The following CDH22 variants were observed in gnomAD, a reference collection of about 807,000 sequenced individuals.
CDH22 encodes cadherin-22.
A neutral mutation model predicts 58.4 loss-of-function variants in CDH22; 30 were observed. The ratio of observed to expected loss-of-function variants is 0.51; its 90% confidence interval spans 0.38 to 0.70. The LOEUF (loss-of-function observed/expected upper bound fraction) is 0.70, where lower values mean the gene tolerates loss of function less well. Ranked by LOEUF, CDH22 falls within the 30% of genes least tolerant of loss-of-function variation. The pLI is 0.00. For synonymous variants in CDH22, 513 were observed against 558.2 expected, an observed-to-expected ratio of 0.92 and a Z score of 1.14; for missense variants, 1,014 against 1,233.9, an observed-to-expected ratio of 0.82 and a Z score of 2.67.
At chr20:46,232,945 C>T (rs2086229655) in intron 3 of CDH22, among the ~76,000 whole-genome samples, 1 of 152,102 alleles carries the variant, frequency 6.6e-6, no homozygotes, top group Non-Finnish European at 1.5e-5. Flanking sequence ...GAAGGCAGCA[C>T]AGAGAGAGGG....
intron 1 of CDH22, among the ~76,000 whole-genome samples, chr20:46,271,132 G>T (rs1009667794): frequency 6.6e-6 from 1 of 152,222 alleles, no homozygotes; most frequent in Admixed American, 6.5e-5. Flanking sequence ...TGTACCACCT[G>T]CTGGGACCAC....
At chr20:46,264,840 A>G (rs923559898) in intron 1 of CDH22, among the ~76,000 whole-genome samples, 1 of 148,782 alleles carries the variant, frequency 6.7e-6, no homozygotes, top group African/African-American at 2.4e-5. Context: ...CACCATGCAC[A>G]CACACACACC....
chr20:46,252,130 A>C (rs141833804), intron 1 of CDH22, among the ~76,000 whole-genome samples: 1 of 151,848 alleles, frequency 6.6e-6, no homozygotes. Context: ...CTTGGTGCAC[A>C]GAAGTCCAGC....
chr20:46,272,099 G>A (rs1600723166), intron 1 of CDH22, among the ~76,000 whole-genome samples: 1 of 152,178 alleles, frequency 6.6e-6, no homozygotes, highest in East Asian at 1.9e-4. Context: ...CACCCCCAAT[G>A]GGCAATCTAT....
chr20:46,254,181 C>T (rs1028892975), intron 1 of CDH22, among the ~76,000 whole-genome samples: 11 of 152,124 alleles, frequency 7.2e-5, no homozygotes, highest in Non-Finnish European at 1.3e-4. Flanking sequence ...CTTGTTATTC[C>T]TTCACTCTTT....
Position 46,199,562 on chromosome 20 carries a change from G to GC in CDH22, c.1287-4dup. On this transcript the variant is annotated splice_polypyrimidine_tract_variant and splice_region_variant and intron_variant, in intron 7 of 11. Coordinates refer to ENST00000537909, the MANE Select transcript of CDH22 (RefSeq NM_021248.3). ...CTGATTCGCGGTCAATGGCGTACCT[G>GC]CGGGGGGCAGGGCAGGGCTGATTGA... The GC allele has an allele frequency of 6.2e-7, 1 of 1,613,412 alleles. No homozygotes were observed. Among genetic ancestry groups the GC allele is most frequent in the Non-Finnish European group, 8.5e-7 (1 of 1,179,804 alleles).
chr20:46,302,422 A>G (rs1470735598), intron 1 of CDH22, among the ~76,000 whole-genome samples: 1 of 152,148 alleles, frequency 6.6e-6, no homozygotes, highest in African/African-American at 2.4e-5. Flanking sequence ...GGGGGGCAAA[A>G]TTGCCCCCAG....
At chr20:46,247,533 A>G (rs1361418419) in intron 2 of CDH22, among the ~76,000 whole-genome samples, 1 of 152,202 alleles carries the variant, frequency 6.6e-6, no homozygotes, top group Non-Finnish European at 1.5e-5. Context: ...AGGTATTATC[A>G]ATACTCTAGA....
chr20:46,225,154 C>A (rs1043686469), intron 4 of CDH22, among the ~76,000 whole-genome samples: 51 of 152,238 alleles, frequency 3.4e-4, no homozygotes, highest in Non-Finnish European at 1.3e-4. Flanking sequence ...TGGTACATTT[C>A]GGCATTATCT....
At chr20:46,299,557 A>G (rs1030192963) in intron 1 of CDH22, among the ~76,000 whole-genome samples, 3 of 152,236 alleles carry the variant, frequency 2.0e-5, no homozygotes, top group Non-Finnish European at 4.4e-5. Context: ...ACAGAATTCA[A>G]GGGAAAACAA....
At position 46,210,104 on chromosome 20, in the gene CDH22, G is replaced by C. The variant is rs1026413826; in HGVS notation, c.1286+203C>G. ...GGCTCGCCTGCCTGTCTCATTGACT[G>C]TTCTCACATCTGCTTCCTTGGCTCT... On this transcript the variant is annotated intron_variant, in intron 7 of 11. Coordinates refer to ENST00000537909, the MANE Select transcript of CDH22 (RefSeq NM_021248.3). The surrounding 1 kb of genome is among the most constrained non-coding windows in gnomAD (Gnocchi z 4.5). The C allele has an allele frequency of 2.3e-5, 11 of 484,400 alleles. No homozygotes were observed. The highest frequency in any genetic ancestry group is 2.0e-4 in the African/African-American group (10 of 49,106). The allele number at this position is 484,400 out of a possible 1,614,324, so 30.0% of individuals were successfully genotyped here. A position where few individuals can be genotyped will look rare whatever the true frequency, so the allele number is the denominator to read the frequency against.
chr20:46,185,704 CA>C (rs2085820292), intron 10 of CDH22, among the ~76,000 whole-genome samples: 1 of 151,562 alleles, frequency 6.6e-6, no homozygotes, highest in South Asian at 2.1e-4. Context: ...CCCATTTCTA[CA>C]AAAAATAAAA....
intron 8 of CDH22, among the ~76,000 whole-genome samples, chr20:46,193,090 T>C (rs2085873427): frequency 6.6e-6 from 1 of 152,044 alleles, no homozygotes; most frequent in African/African-American, 2.4e-5. Flanking sequence ...GACCCTGAAA[T>C]CATAACATCC....
At chr20:46,247,641 A>G (rs1406948646) in intron 2 of CDH22, among the ~76,000 whole-genome samples, 1 of 152,150 alleles carries the variant, frequency 6.6e-6, no homozygotes, top group Non-Finnish European at 1.5e-5. Context: ...CCTGGAACCA[A>G]TCCCCCATCG....
At chr20:46,189,043 CG>C (rs1188361400) in intron 8 of CDH22, among the ~76,000 whole-genome samples, 2 of 152,062 alleles carry the variant, frequency 1.3e-5, no homozygotes, top group African/African-American at 4.8e-5. Flanking sequence ...TGTGTGCTGA[CG>C]GCAGCTGCTC....
intron 1 of CDH22, among the ~76,000 whole-genome samples, chr20:46,297,489 CT>C (rs2086633855): frequency 6.6e-6 from 1 of 151,334 alleles, no homozygotes; most frequent in Non-Finnish European, 1.5e-5. Context: ...TGTGGAGATT[CT>C]GGGGAATTGG....
At chr20:46,207,727 T>C (rs2086011739) in intron 7 of CDH22, among the ~76,000 whole-genome samples, 1 of 152,196 alleles carries the variant, frequency 6.6e-6, no homozygotes, top group Admixed American at 6.5e-5. Context: ...CACAGTCTGC[T>C]CTTCTTCAGG....
At chr20:46,301,950 C>A (rs1294316107) in intron 1 of CDH22, among the ~76,000 whole-genome samples, 1 of 152,138 alleles carries the variant, frequency 6.6e-6, no homozygotes, top group East Asian at 1.9e-4. Context: ...GACAGGAGGT[C>A]CCCACCAGCG....
At chr20:46,236,531 A>T (rs2086253052) in intron 3 of CDH22, among the ~76,000 whole-genome samples, 1 of 142,592 alleles carries the variant, frequency 7.0e-6, no homozygotes, top group Non-Finnish European at 1.5e-5. Flanking sequence ...AATATATAAT[A>T]TATTTATATA....
Sources: allele counts gnomAD v4.1 joint callset (sites outside exome capture counted in the v4.1 genomes callset), GRCh38; gene constraint gnomAD v4.1.1; non-coding constraint Gnocchi (gnomAD v3.1); transcripts MANE v1.5; gene names NCBI Gene and HGNC (gene_info 2026-07-23, HGNC 2026-07-21).